SUGCT: variants seen among roughly 807,000 people sequenced by gnomAD.
SUGCT encodes succinyl-CoA:glutarate CoA-transferase.
Under a neutral mutation model 55.0 loss-of-function variants are expected in SUGCT, and 41 were observed. The ratio of observed to expected loss-of-function variants is 0.74; its 90% CI spans 0.58 to 0.97. The LOEUF is 0.97. SUGCT is among the 50% of genes least tolerant of loss of function. SUGCT has a pLI of 0.00. For synonymous variants in SUGCT, 187 were observed against 200.4 expected (o/e 0.93, Z 0.56); for missense variants, 568 against 547.8 (o/e 1.04, Z -0.37).
At chr7:40,767,894 A>G (rs540210986) in intron 13 of SUGCT, among the ~76,000 whole-genome samples, 2 of 151,830 alleles carry the variant, frequency 1.3e-5, no homozygotes, top group South Asian at 4.2e-4. Flanking sequence ...CTGGAAGGAC[A>G]CAGTTACCAG....
intron 12 of SUGCT, among the ~76,000 whole-genome samples, chr7:40,510,761 A>G (rs1300847728): frequency 6.6e-6 from 1 of 152,180 alleles, no homozygotes; most frequent in African/African-American, 2.4e-5. Flanking sequence ...AAAATAAGTA[A>G]ATGGTTGAAT....
At chr7:40,650,902 T>G (rs2151838990) in intron 12 of SUGCT, among the ~76,000 whole-genome samples, 1 of 152,216 alleles carries the variant, frequency 6.6e-6, no homozygotes, top group African/African-American at 2.4e-5. Flanking sequence ...GCAGTGTGTG[T>G]TGTTCCCCTC....
At chr7:40,388,999 G>T (rs1281147987) in intron 9 of SUGCT, among the ~76,000 whole-genome samples, 1 of 152,116 alleles carries the variant, frequency 6.6e-6, no homozygotes, top group Non-Finnish European at 1.5e-5. Flanking sequence ...TCATTGGCTA[G>T]TCATTGTCAA....
intron 8 of SUGCT, among the ~76,000 whole-genome samples, chr7:40,298,050 C>G (rs992567501): frequency 6.6e-6 from 1 of 151,986 alleles, no homozygotes; most frequent in South Asian, 2.1e-4. Context: ...CATCCTCCCT[C>G]CCTTCCTTGC....
At chr7:40,984,096 C>A in the SUGCT span, among the ~76,000 whole-genome samples, 2 of 152,040 alleles carry the variant, frequency 1.3e-5, no homozygotes, top group Non-Finnish European at 2.9e-5. Context: ...CACCAGGTAA[C>A]CACTCTCTCA....
chr7:40,518,855 A>C (rs1793385765), intron 12 of SUGCT, among the ~76,000 whole-genome samples: 1 of 152,082 alleles, frequency 6.6e-6, no homozygotes, highest in Non-Finnish European at 1.5e-5. Context: ...AATGACAATA[A>C]ATAGACCAGA....
At chr7:40,292,483 C>T (rs1793851135) in intron 8 of SUGCT, among the ~76,000 whole-genome samples, 1 of 152,130 alleles carries the variant, frequency 6.6e-6, no homozygotes, top group Non-Finnish European at 1.5e-5. Flanking sequence ...ACACTTAAAG[C>T]ATGATTTGAA....
In SUGCT at chr7:40,454,267, A is replaced by AT. The variant is rs1789350090; in HGVS notation, c.889-4832dup. ...CTGAAAAATATTTGAAGAAATAACA[A>AT]TTGTATATATACCAAATTTGGTAAA... is the stretch of plus-strand genomic sequence containing the variant. On this transcript the variant is annotated intron_variant, in intron 10 of 13. Coordinates refer to ENST00000335693, the MANE Select transcript of SUGCT (RefSeq NM_001193313.2). Among the ~76,000 whole-genome samples, 3 of 152,238 alleles carry AT rather than the reference A, an allele frequency of 2.0e-5. No homozygotes were observed. In the South Asian group the frequency reaches 6.2e-4, roughly 32 times the overall value.
intron 9 of SUGCT, among the ~76,000 whole-genome samples, chr7:40,400,961 G>C (rs4134194): frequency 6.6e-6 from 1 of 151,942 alleles, no homozygotes; most frequent in Non-Finnish European, 1.5e-5. Context: ...ATAATCATCA[G>C]GAAGGCATCC....
At chr7:40,412,281 C>T (rs1473333330) in intron 9 of SUGCT, among the ~76,000 whole-genome samples, 3 of 152,216 alleles carry the variant, frequency 2.0e-5, no homozygotes, top group African/African-American at 7.2e-5. Flanking sequence ...TTTCTCATAA[C>T]TCTCACTCAC....
At chr7:40,520,103 C>T (rs1793448000) in intron 12 of SUGCT, among the ~76,000 whole-genome samples, 1 of 152,026 alleles carries the variant, frequency 6.6e-6, no homozygotes, top group Non-Finnish European at 1.5e-5. Flanking sequence ...TTACTTATTA[C>T]AGACAGAAAG....
At chr7:40,594,497 A>G (rs941094077) in intron 12 of SUGCT, among the ~76,000 whole-genome samples, 13 of 152,138 alleles carry the variant, frequency 8.5e-5, no homozygotes, top group Non-Finnish European at 1.2e-4. Context: ...CCATTTCAAC[A>G]TGCTCTCAAA....
chr7:40,189,570 A>G lies in SUGCT; in HGVS notation c.339A>G (p.Pro113=). 1 of 1,393,206 alleles carries G rather than the reference A, an allele frequency of 7.2e-7. No individual in the cohort carries two copies. The highest frequency in any genetic ancestry group is 9.5e-7 in the Non-Finnish European group (1 of 1,047,424). The allele number at this position is 1,393,206 out of a possible 1,614,324, so 86.3% of individuals were successfully genotyped here. The change falls in exon 5 of 14, where the codon CCA becomes CCG. Residue 113 remains proline, a synonymous_variant. Coordinates refer to ENST00000335693, the MANE Select transcript of SUGCT (RefSeq NM_001193313.2). The stretch of plus-strand genomic sequence containing the variant: ...GTATTGCTGTTAATATCAAGGATCC[A>G]AAAGGGGTGAAAATCATCAAAGAGG... The part of the protein sequence containing the change: ...KKSIAVNIKD[P]KGVKIIKELA...
At chr7:40,755,311 T>C (rs1788199176) in intron 13 of SUGCT, among the ~76,000 whole-genome samples, 1 of 152,228 alleles carries the variant, frequency 6.6e-6, no homozygotes. Context: ...TGAAGACTTT[T>C]GTAAAACTTA....
intron 8 of SUGCT, among the ~76,000 whole-genome samples, chr7:40,312,626 A>G (rs898646009): frequency 1.3e-5 from 2 of 152,190 alleles, no homozygotes; most frequent in Admixed American, 6.5e-5. Flanking sequence ...TACAAGGAAG[A>G]CTGTGAAAGT....
At chr7:40,995,988 C>T in the SUGCT span, among the ~76,000 whole-genome samples, 23 of 152,154 alleles carry the variant, frequency 1.5e-4, no homozygotes, top group Non-Finnish European at 2.6e-4. Context: ...GGTGTTCTAG[C>T]CCCCTGAATT....
At chr7:40,665,005 C>T (rs902364454) in intron 12 of SUGCT, among the ~76,000 whole-genome samples, 4 of 150,658 alleles carry the variant, frequency 2.7e-5, no homozygotes, top group African/African-American at 9.8e-5. Context: ...AAATCTTTTT[C>T]TGTGTCATTT....
chr7:40,679,006 G>T (rs565740867), intron 12 of SUGCT, among the ~76,000 whole-genome samples: 1 of 152,338 alleles, frequency 6.6e-6, no homozygotes, highest in South Asian at 2.1e-4. Flanking sequence ...TATAGTTCAA[G>T]ATAGTGGTGA....
intron 6 of SUGCT, among the ~76,000 whole-genome samples, chr7:40,234,650 C>T (rs1177222882): frequency 2.0e-5 from 3 of 152,026 alleles, no homozygotes; most frequent in Admixed American, 6.6e-5. Flanking sequence ...GTAGCTCATG[C>T]CCAATCTCAG....
Sources: gnomAD v4.1 joint callset for allele counts (sites outside exome capture counted in the v4.1 genomes callset) on GRCh38, gnomAD v4.1.1 for gene constraint, MANE v1.5 for transcripts, NCBI Gene and HGNC (gene_info 2026-07-23, HGNC 2026-07-21) for gene names.